The following DHX9 variants were observed in gnomAD, a reference collection of about 807,000 sequenced individuals.
DHX9 encodes the protein ATP-dependent RNA helicase A.
DHX9 carries 27 observed loss-of-function variants against 148.7 expected under a neutral mutation model. The observed-to-expected ratio is 0.18, with a 90% CI of 0.13 to 0.25. DHX9 has a LOEUF of 0.25. DHX9 is among the 10% of genes least tolerant of loss of function. The pLI, the probability that DHX9 is intolerant of heterozygous loss-of-function variation, is 1.00. For missense variants in DHX9, 796 were observed against 1,559.6 expected (o/e 0.51, Z 8.25); for synonymous variants, 529 against 516.6 (o/e 1.02, Z -0.33).
At chr1:182,843,920 C>A (rs895073088) in intron 3 of DHX9, among the ~76,000 whole-genome samples, 1 of 152,142 alleles carries the variant, frequency 6.6e-6, no homozygotes, top group Non-Finnish European at 1.5e-5. Flanking sequence ...TCCTTAACCC[C>A]CTTAGTAGCT....
intron 12 of DHX9, among the ~76,000 whole-genome samples, chr1:182,865,245 G>T (rs1464688499): frequency 1.3e-5 from 2 of 152,172 alleles, no homozygotes; most frequent in African/African-American, 2.4e-5. Flanking sequence ...GAATTCTCTT[G>T]ATGGACAGAT....
At chr1:182,859,373 G>A (rs12090342) in intron 11 of DHX9, among the ~76,000 whole-genome samples, 5,047 of 152,112 alleles carry the variant, frequency 0.033, 201 homozygotes, top group African/African-American at 0.09. Context: ...TGGTTTTTTT[G>A]TTTGTTTTAG....
At chr1:182,844,336 C>CGTAAGTAT (rs1406378647) in intron 3 of DHX9, among the ~76,000 whole-genome samples, 1 of 152,072 alleles carries the variant, frequency 6.6e-6, no homozygotes, top group African/African-American at 2.4e-5. Flanking sequence ...AATTATATTA[C>CGTAAGTAT]GTAAGTATGC....
chr1:182,851,883 CT>C (rs1218934606), intron 3 of DHX9, among the ~76,000 whole-genome samples: 1 of 152,128 alleles, frequency 6.6e-6, no homozygotes, highest in Non-Finnish European at 1.5e-5. Flanking sequence ...TAGAAAGATA[CT>C]TTTTTGACTG....
At chr1:182,865,455 G>A (rs1648254265) in intron 12 of DHX9, among the ~76,000 whole-genome samples, 3 of 152,128 alleles carry the variant, frequency 2.0e-5, no homozygotes, top group Non-Finnish European at 4.4e-5. Context: ...GAAATACAGA[G>A]AAATTCAAGA....
In DHX9 at chr1:182,868,520, C is replaced by CTTTTTTTTTTT. The variant is rs59218081; in HGVS notation, c.1557+1481_1557+1491dup. ...GATAATCTAACACTTATTTTAATTC[C>CTTTTTTTTTTT]TTTTTTTTTTTTTTGAGGAGTCTTG... On this transcript the variant is annotated intron_variant, in intron 14 of 27. Coordinates refer to ENST00000367549, the MANE Select transcript of DHX9 (RefSeq NM_001357.5). Among the ~76,000 whole-genome samples, 489 of 127,416 alleles carry CTTTTTTTTTTT rather than the reference C, an allele frequency of 3.8e-3. 28 individuals carry two copies. Among genetic ancestry groups the CTTTTTTTTTTT allele is most frequent in the African/African-American group, 0.015 (415 of 27,782 alleles). The allele number at this position is 127,416 out of a possible 152,430, so 83.6% of individuals were successfully genotyped here. A position where few individuals can be genotyped will look rare whatever the true frequency, so the allele number is the denominator to read the frequency against.
At chr1:182,855,643 T>C (rs1668238655) in intron 6 of DHX9, 1 of 985,386 alleles carries the variant, frequency 1.0e-6, no homozygotes. Flanking sequence ...ATCGATGTCA[T>C]TAATGAAAGG....
intron 15 of DHX9, among the ~76,000 whole-genome samples, chr1:182,873,099 G>C (rs1648615446): frequency 6.6e-6 from 1 of 152,070 alleles, no homozygotes; most frequent in Non-Finnish European, 1.5e-5. Flanking sequence ...GGGACTACAG[G>C]CGCACAACAC....
At chr1:182,881,771 T>C (rs1649095947) in intron 24 of DHX9, 124 bp downstream of exon 24, 1 of 1,040,112 alleles carries the variant, frequency 9.6e-7, no homozygotes. Flanking sequence ...TTCCCGACTA[T>C]TTCTTAGTTC....
intron 12 of DHX9, among the ~76,000 whole-genome samples, chr1:182,863,310 C>G (rs1648073525): frequency 6.6e-6 from 1 of 152,006 alleles, no homozygotes; most frequent in African/African-American, 2.4e-5. Flanking sequence ...GCAAAATAAC[C>G]TTTTTGAACT....
At chr1:182,857,669 G>A (rs1393935125) in intron 7 of DHX9, among the ~76,000 whole-genome samples, 1 of 152,202 alleles carries the variant, frequency 6.6e-6, no homozygotes, top group African/African-American at 2.4e-5. Flanking sequence ...GGCCTGCAAA[G>A]CCTAAAATAT....
rs116414145 is a variant in DHX9 at position 182,865,828 on chromosome 1, C to A, written c.1333-616C>A. Among the ~76,000 whole-genome samples the A allele has an allele frequency of 4.5e-3, 690 of 152,314 alleles. 5 individuals carry two copies. The highest frequency in any genetic ancestry group is 0.016 in the African/African-American group (664 of 41,566). ...TTTTGTACTTAGAAGACATGGAACACTTCAGAAGAGTTTTCATAAAAAGAT... is the reference window on the plus strand; with the variant it reads ...TTTTGTACTTAGAAGACATGGAACAATTCAGAAGAGTTTTCATAAAAAGAT... On this transcript the variant is annotated intron_variant, in intron 12 of 27. Transcript: ENST00000367549.
intron 12 of DHX9, among the ~76,000 whole-genome samples, chr1:182,863,694 TTAAA>T (rs894510457): frequency 6.6e-6 from 1 of 152,150 alleles, no homozygotes; most frequent in African/African-American, 2.4e-5. Flanking sequence ...TGAGAAAGGT[TTAAA>T]TAGTCATTGA....
intron 27 of DHX9, among the ~76,000 whole-genome samples, 164 bp downstream of exon 27, chr1:182,884,977 T>G (rs549635447): frequency 4.9e-4 from 75 of 152,312 alleles, no homozygotes; most frequent in African/African-American, 1.8e-3. Context: ...TCTAACATAC[T>G]CAGAACAAAG....
chr1:182,868,699 T>C (rs543563051), intron 14 of DHX9, among the ~76,000 whole-genome samples: 1 of 152,142 alleles, frequency 6.6e-6, no homozygotes, highest in Non-Finnish European at 1.5e-5. Context: ...GTATTTTTAG[T>C]AGAGAGAGGA....
At chr1:182,880,361 CCGTAGACATGG>C (rs1649032073) in intron 21 of DHX9, 125 bp from the exon 22 acceptor site, 2 of 544,052 alleles carry the variant, frequency 3.7e-6, no homozygotes, top group Admixed American at 3.3e-5. Flanking sequence ...GAATTGTTGG[CCGTAGACATGG>C]TATTAGCGAT....
At chr1:182,840,855 C>T (rs1340087581) in intron 1 of DHX9, among the ~76,000 whole-genome samples, 1 of 151,994 alleles carries the variant, frequency 6.6e-6, no homozygotes, top group African/African-American at 2.4e-5. Flanking sequence ...GATGTCGTAC[C>T]GTTTATGGAA....
In DHX9 at chr1:182,887,484, T is replaced by A; in HGVS notation, c.*50T>A. 1 of 1,497,266 alleles carries A rather than the reference T, an allele frequency of 6.7e-7. No individual in the cohort carries two copies. Among genetic ancestry groups the A allele is most frequent in the East Asian group, 2.3e-5 (1 of 43,646 alleles). The allele number at this position is 1,497,266 out of a possible 1,614,324, so 92.7% of individuals were successfully genotyped here. On this transcript the variant is annotated 3_prime_UTR_variant, in exon 28 of 28. Transcript: ENST00000367549. The stretch of plus-strand genomic sequence containing the variant: ...TGTAGACAGTAAGGAAAAAAAGGCA[T>A]GCTATGTGTTACGTGTTTTTTCCAG...
intron 14 of DHX9, among the ~76,000 whole-genome samples, chr1:182,869,618 A>G (rs1456892491): frequency 1.3e-5 from 2 of 149,802 alleles, no homozygotes; most frequent in Non-Finnish European, 2.9e-5. Flanking sequence ...GGTCTTGTCC[A>G]GTCCAGTCTT....
Sources: allele counts gnomAD v4.1 joint callset (sites outside exome capture counted in the v4.1 genomes callset), GRCh38; gene constraint gnomAD v4.1.1; transcripts MANE v1.5; gene names NCBI Gene and HGNC (gene_info 2026-07-23, HGNC 2026-07-21).